Variants in DHX8 observed in about 807,000 individuals in gnomAD.
DHX8 encodes DEAH-box helicase 8, also known as ATP-dependent RNA helicase DHX8.
Under a neutral mutation model 140.7 loss-of-function variants are expected in DHX8, and 67 were observed. The observed-to-expected ratio is 0.48, with a 90% CI of 0.39 to 0.58. The LOEUF (loss-of-function observed/expected upper bound fraction) is 0.58, where lower values mean the gene tolerates loss of function less well. Among genes scored for constraint, DHX8 ranks in the 20% least tolerant of loss-of-function variants. DHX8 has a pLI of 0.00. For synonymous variants in DHX8, 533 were observed against 553.2 expected (o/e 0.96, Z 0.51); for missense variants, 887 against 1,550.7 (o/e 0.57, Z 7.19).
chr17:43,522,461 C>T (rs920259288), intron 22 of DHX8, among the ~76,000 whole-genome samples: 4 of 151,930 alleles, frequency 2.6e-5, no homozygotes, highest in Non-Finnish European at 4.4e-5. Flanking sequence ...TAAAAAACTA[C>T]GTAGTGGCCA....
At chr17:43,512,352 A>G (rs1386559516) in intron 16 of DHX8, among the ~76,000 whole-genome samples, 5 of 146,876 alleles carry the variant, frequency 3.4e-5, no homozygotes, top group Non-Finnish European at 1.5e-5. Context: ...GCACCACTGC[A>G]CTCCAGCTTG....
downstream of DHX8, chr17:43,529,141 C>A: frequency 6.2e-7 from 1 of 1,614,014 alleles, no homozygotes; most frequent in East Asian, 2.2e-5. Flanking sequence ...CCACCTTCTG[C>A]ATGATGCCTT....
chr17:43,533,653 C>T (rs1971081460), intron 2 of DHX8, among the ~76,000 whole-genome samples: 1 of 152,040 alleles, frequency 6.6e-6, no homozygotes, highest in South Asian at 2.1e-4. Context: ...TCTGCTCTGG[C>T]CTCAGTATAT....
At chr17:43,533,145 A>T in intron 2 of DHX8, 1 of 1,601,712 alleles carries the variant, frequency 6.2e-7, no homozygotes, top group African/African-American at 1.3e-5. Context: ...GAATTGAAAA[A>T]ACACCTGGGC....
At position 43,489,561 on chromosome 17, in the gene DHX8, G is replaced by A. The variant is rs367600388; in HGVS notation, c.234+27G>A. 6.5e-6 allele frequency: 9 copies of A among 1,388,604 alleles called. No individual in the cohort carries two copies. In the Middle Eastern group the frequency reaches 7.2e-4, roughly 111 times the overall value. The allele number at this position is 1,388,604 out of a possible 1,614,324, so 86.0% of individuals were successfully genotyped here. A position where few individuals can be genotyped will look rare whatever the true frequency, so the allele number is the denominator to read the frequency against. ...TATGTATATGTGGAGAAGATAATCT[G>A]TAGATATTAATGTTTTAATTTATGT... On this transcript the variant is annotated intron_variant, in intron 2 of 22. Coordinates refer to ENST00000262415, the MANE Select transcript of DHX8 (RefSeq NM_004941.3).
chr17:43,521,221 C>G, intron 20 of DHX8, 148 bp from the exon 21 acceptor site: 1 of 707,474 alleles, frequency 1.4e-6, no homozygotes, highest in Non-Finnish European at 2.3e-6. Flanking sequence ...CCTCAGTTTC[C>G]CAAAATGCTG....
At position 43,532,208 on chromosome 17, in the gene DHX8, G is replaced by A. The variant is rs561719914; in HGVS notation, c.351-4204G>A. Among the ~76,000 whole-genome samples, 5 of 152,238 alleles carry A rather than the reference G, an allele frequency of 3.3e-5. No homozygotes were observed. The East Asian group carries it at 5.8e-4, about 18-fold the overall frequency. ...TGAATATAGGTTTGCTCATTGAAAA[G>A]TAATAATTTGTCCGGGTGAGGTGGC... On this transcript the variant is annotated intron_variant, in intron 2 of 3. Transcript: ENST00000589898.
At position 43,516,538 on chromosome 17, in the gene DHX8, T is replaced by C. The variant is rs957007006; in HGVS notation, c.2644-629T>C. 4.5e-4 allele frequency among the ~76,000 whole-genome samples: 69 copies of C among 152,190 alleles called. 1 individual carries two copies. Among genetic ancestry groups the C allele is most frequent in the African/African-American group, 1.6e-3 (67 of 41,502 alleles). ...CGGCTTACTGCAGCCAGCCTCGACCTCCCCAGGCTCAGGTGATCGTCCCAT... is the reference window on the plus strand; with the variant it reads ...CGGCTTACTGCAGCCAGCCTCGACCCCCCCAGGCTCAGGTGATCGTCCCAT... On this transcript the variant is annotated intron_variant, in intron 17 of 22. Transcript: ENST00000262415.
intron 1 of DHX8, among the ~76,000 whole-genome samples, chr17:43,489,077 T>C (rs1331145977): frequency 1.3e-5 from 2 of 152,156 alleles, no homozygotes; most frequent in Non-Finnish European, 2.9e-5. Context: ...CAATGCCGGC[T>C]TACTGCAACC....
chr17:43,506,579 A>G (rs1969506376), intron 12 of DHX8, among the ~76,000 whole-genome samples: 1 of 151,264 alleles, frequency 6.6e-6, no homozygotes, highest in East Asian at 2.0e-4. Flanking sequence ...AGATCATGCC[A>G]CTGCACTCCA....
intron 11 of DHX8, among the ~76,000 whole-genome samples, chr17:43,502,816 T>C (rs1416720433): frequency 1.3e-5 from 2 of 152,248 alleles, no homozygotes; most frequent in Admixed American, 6.5e-5. Flanking sequence ...TATTCGTTCA[T>C]TGTTTAACAA....
chr17:43,490,572 C>T, intron 3 of DHX8, 109 bp downstream of exon 3: 2 of 948,686 alleles, frequency 2.1e-6, no homozygotes, highest in Non-Finnish European at 3.1e-6. Context: ...GTAAATGTTC[C>T]AGTAAGATTT....
intron 10 of DHX8, 90 bp downstream of exon 10, chr17:43,499,049 A>G: frequency 1.1e-6 from 1 of 939,344 alleles, no homozygotes. Context: ...GCGTAAGTAG[A>G]ACTTGGGCCA....
chr17:43,542,311 G>A (rs1971565432), intron 3 of DHX8, among the ~76,000 whole-genome samples: 1 of 151,980 alleles, frequency 6.6e-6, no homozygotes, highest in Non-Finnish European at 1.5e-5. Context: ...CTATCCATAG[G>A]GCTTCTGGGA....
intron 11 of DHX8, among the ~76,000 whole-genome samples, chr17:43,501,075 C>A (rs932129365): frequency 6.6e-6 from 1 of 151,724 alleles, no homozygotes; most frequent in African/African-American, 2.4e-5. Context: ...CAGATATGAT[C>A]CCTGCTTTTA....
At chr17:43,485,973 G>A (rs958275265) in intron 1 of DHX8, among the ~76,000 whole-genome samples, 4 of 152,086 alleles carry the variant, frequency 2.6e-5, no homozygotes, top group Admixed American at 6.5e-5. Context: ...AAGACAGGCC[G>A]ATCCCCTGAG....
chr17:43,532,849 C>A, intron 2 of DHX8: 1 of 1,613,526 alleles, frequency 6.2e-7, no homozygotes, highest in Non-Finnish European at 8.5e-7. Flanking sequence ...GCTCCGACAG[C>A]TGGTGTTGGT....
At chr17:43,486,976 G>C (rs1256394595) in intron 1 of DHX8, among the ~76,000 whole-genome samples, 1 of 152,090 alleles carries the variant, frequency 6.6e-6, no homozygotes, top group East Asian at 1.9e-4. Flanking sequence ...TAGCACCATG[G>C]GACTTAGTTC....
intron 22 of DHX8, 115 bp from the exon 23 acceptor site, chr17:43,523,513 G>A (rs949438821): frequency 6.7e-7 from 1 of 1,499,720 alleles, no homozygotes. Flanking sequence ...TAGGTGTCAG[G>A]CAGGAGAGGT....
Sources: gnomAD v4.1 joint callset for allele counts (sites outside exome capture counted in the v4.1 genomes callset) on GRCh38, gnomAD v4.1.1 for gene constraint, MANE v1.5 for transcripts, NCBI Gene and HGNC (gene_info 2026-07-23, HGNC 2026-07-21) for gene names.